The following OPHN1 variants were observed in gnomAD, a reference collection of about 807,000 sequenced individuals.
The protein encoded by OPHN1 is oligophrenin 1.
OPHN1 carries 11 observed loss-of-function variants against 60.7 expected under a neutral mutation model. That is an observed-to-expected ratio of 0.18 (90% CI 0.11 to 0.30). The LOEUF (loss-of-function observed/expected upper bound fraction) is 0.30. Ranked by LOEUF, OPHN1 falls within the 10% of genes least tolerant of loss-of-function variation. The pLI, the probability that OPHN1 is intolerant of heterozygous loss-of-function variation, is 1.00. For synonymous variants in OPHN1, 226 were observed against 222.6 expected (o/e 1.02, Z -0.14); for missense variants, 449 against 611.0 (o/e 0.73, Z 2.80).
At chrX:68,385,464 G>A (rs1421175140) in intron 2 of OPHN1, among the ~76,000 whole-genome samples, 1 of 112,160 alleles carries the variant, frequency 8.9e-6, no homozygotes, top group South Asian at 3.7e-4. Flanking sequence ...AAAATTCCTT[G>A]CCATAGGCCA....
At chrX:68,312,316 A>G (rs1337909773) in intron 2 of OPHN1, among the ~76,000 whole-genome samples, 1 of 96,759 alleles carries the variant, frequency 1.0e-5, no homozygotes, top group Non-Finnish European at 2.0e-5. Context: ...GACTGGTCTG[A>G]AACTCTTGAG....
At chrX:68,351,001 T>C (rs2078407587) in intron 2 of OPHN1, among the ~76,000 whole-genome samples, 1 of 111,734 alleles carries the variant, frequency 8.9e-6, no homozygotes, top group African/African-American at 3.3e-5. Context: ...TGATCTCAGC[T>C]CACTGCAACT....
intron 7 of OPHN1, among the ~76,000 whole-genome samples, 169 bp downstream of exon 7, chrX:68,213,693 A>G (rs1264876236): frequency 2.7e-5 from 3 of 111,350 alleles, no homozygotes; most frequent in Non-Finnish European, 5.7e-5. Context: ...GGAAAGAGAG[A>G]AAAAAAGTAT....
At chrX:68,119,958 G>A (rs2077143866) in intron 15 of OPHN1, among the ~76,000 whole-genome samples, 1 of 111,234 alleles carries the variant, frequency 9.0e-6, no homozygotes, top group Non-Finnish European at 1.9e-5. Flanking sequence ...TCCCTCAAGA[G>A]AAACTATTTT....
intron 5 of OPHN1, among the ~76,000 whole-genome samples, chrX:68,269,467 G>C (rs2077953972): frequency 9.0e-6 from 1 of 111,474 alleles, no homozygotes; most frequent in South Asian, 3.8e-4. Flanking sequence ...TGACAAACCT[G>C]ACAAAAACAA....
intron 5 of OPHN1, among the ~76,000 whole-genome samples, chrX:68,253,870 C>T (rs780747744): frequency 1.6e-4 from 18 of 111,606 alleles, no homozygotes; most frequent in African/African-American, 5.5e-4. Context: ...ATAGATCCTG[C>T]CCTTAGAAAG....
chrX:68,190,532 T>C (rs910933098), intron 15 of OPHN1, among the ~76,000 whole-genome samples: 5 of 112,023 alleles, frequency 4.5e-5, no homozygotes, highest in Non-Finnish European at 9.4e-5. Flanking sequence ...AGTTAATATT[T>C]GGAGGATGGT....
chrX:68,262,917 C>T (rs1229002360), intron 5 of OPHN1, among the ~76,000 whole-genome samples: 1 of 111,385 alleles, frequency 9.0e-6, no homozygotes, highest in African/African-American at 3.3e-5. Flanking sequence ...AATATACCAA[C>T]TCCATACAGA....
chrX:68,314,476 G>A (rs990114986), intron 2 of OPHN1, among the ~76,000 whole-genome samples: 16 of 110,186 alleles, frequency 1.5e-4, no homozygotes, highest in African/African-American at 3.3e-4. Context: ...AGCCGAGATC[G>A]TGCTATTGCA....
chrX:68,334,001 G>A (rs1430928846), intron 2 of OPHN1, among the ~76,000 whole-genome samples: 1 of 107,528 alleles, frequency 9.3e-6, no homozygotes, highest in Non-Finnish European at 1.9e-5. Context: ...GGGATCAAGC[G>A]ATTCTCATGC....
intron 3 of OPHN1, among the ~76,000 whole-genome samples, chrX:68,287,362 A>G (rs2078049203): frequency 9.4e-6 from 1 of 106,605 alleles, no homozygotes; most frequent in African/African-American, 3.4e-5. Flanking sequence ...AACAATCACA[A>G]GTGGGTTGCA....
chrX:68,301,433 G>A (rs1314409176), intron 2 of OPHN1, among the ~76,000 whole-genome samples: 1 of 80,995 alleles, frequency 1.2e-5, no homozygotes, highest in African/African-American at 5.5e-5. Flanking sequence ...GTGCCAGAGC[G>A]AGACTCCATC....
chrX:68,317,067 G>A (rs1412315898), intron 2 of OPHN1, among the ~76,000 whole-genome samples: 1 of 109,991 alleles, frequency 9.1e-6, no homozygotes, highest in Non-Finnish European at 1.9e-5. Context: ...GGGAGGCTGA[G>A]GCATGTGGAT....
rs146186937 is a variant in OPHN1, at chrX:68,097,190, G to C, written c.1527-161C>G. ...GGCAAGATTACAAAGGAAACAATCA[G>C]CAAAGAATACAAGATAGTATAAAAT... is the stretch of plus-strand genomic sequence containing the variant. On this transcript the variant is annotated intron_variant, in intron 18 of 24. Coordinates refer to ENST00000355520, the MANE Select transcript of OPHN1 (RefSeq NM_002547.3). 9.6e-3 allele frequency among the ~76,000 whole-genome samples: 1,074 copies of C among 111,761 alleles called. 17 individuals are homozygous for C. Among genetic ancestry groups the C allele is most frequent in the African/African-American group, 0.034 (1,034 of 30,785 alleles).
intron 5 of OPHN1, among the ~76,000 whole-genome samples, chrX:68,267,408 C>A (rs775185742): frequency 8.3e-4 from 93 of 111,947 alleles, no homozygotes; most frequent in African/African-American, 3.0e-3. Context: ...GGAAACTGAA[C>A]GACCTGCTCC....
chrX:68,095,224 T>C (rs1002303185), intron 19 of OPHN1, among the ~76,000 whole-genome samples: 2 of 111,990 alleles, frequency 1.8e-5, no homozygotes, highest in African/African-American at 6.5e-5. Flanking sequence ...ATTTGTTGGA[T>C]GAATCAATTG....
chrX:68,263,966 T>C (rs2077908001), intron 5 of OPHN1, among the ~76,000 whole-genome samples: 1 of 112,124 alleles, frequency 8.9e-6, no homozygotes, highest in Non-Finnish European at 1.9e-5. Flanking sequence ...GAGTTCTGTG[T>C]ACTGTATTTC....
At chrX:68,302,077 T>C (rs941884631) in intron 2 of OPHN1, among the ~76,000 whole-genome samples, 13 of 112,631 alleles carry the variant, frequency 1.2e-4, no homozygotes, top group African/African-American at 4.2e-4. Context: ...TTTGTTTTTG[T>C]TGCTAAGTAA....
intron 3 of OPHN1, among the ~76,000 whole-genome samples, chrX:68,297,112 A>AT (rs991495853): frequency 2.7e-5 from 3 of 111,828 alleles, no homozygotes; most frequent in African/African-American, 9.7e-5. Context: ...AAAAGGAGCC[A>AT]TTTATATAAT....
Sources: allele counts gnomAD v4.1 joint callset (sites outside exome capture counted in the v4.1 genomes callset), GRCh38; gene constraint gnomAD v4.1.1; transcripts MANE v1.5; gene names NCBI Gene and HGNC (gene_info 2026-07-23, HGNC 2026-07-21).